Variants in CCDC57 observed in about 807,000 individuals in gnomAD.
The protein encoded by CCDC57 is coiled-coil domain containing 57.
Under a neutral mutation model 118.9 loss-of-function variants are expected in CCDC57, and 118 were observed. The observed-to-expected ratio is 0.99, with a 90% confidence interval of 0.86 to 1.16. The LOEUF (loss-of-function observed/expected upper bound fraction) is 1.16, where lower values mean the gene tolerates loss of function less well. CCDC57 is among the 50% of genes most tolerant of loss of function. The pLI is 0.00. For missense variants in CCDC57, 1,300 were observed against 1,320.7 expected (o/e 0.98, Z 0.24); for synonymous variants, 527 against 532.9 (o/e 0.99, Z 0.15).
At chr17:82,143,746 A>T (rs1598864874) in intron 16 of CCDC57, among the ~76,000 whole-genome samples, 2 of 152,088 alleles carry the variant, frequency 1.3e-5, no homozygotes. Flanking sequence ...ACAAATCCAC[A>T]CTTAGACACA....
chr17:82,172,590 C>T lies in CCDC57; in HGVS notation c.1729+48G>A. Reference sequence around the variant, plus strand: ...ATGCTCCCGTCTGTCCTCCTCCCTCCCTCTCCCCCTTCCTCTCCCGCTCTG... The same window carrying T: ...ATGCTCCCGTCTGTCCTCCTCCCTCTCTCTCCCCCTTCCTCTCCCGCTCTG... On this transcript the variant is annotated intron_variant, in intron 12 of 19. Coordinates refer to ENST00000665763, the Ensembl canonical transcript of CCDC57. The surrounding 1 kb of genome is among the most constrained non-coding windows in gnomAD (Gnocchi z 5.2). 4.0e-6 allele frequency: 6 copies of T among 1,494,714 alleles called. No homozygotes were observed. The highest frequency in any genetic ancestry group is 5.5e-6 in the Non-Finnish European group (6 of 1,097,520). 92.6% of individuals were successfully genotyped at this position (1,494,714 alleles called of 1,614,324 possible).
At chr17:82,124,829 G>T (rs190483531) in intron 19 of CCDC57, among the ~76,000 whole-genome samples, 1 of 151,834 alleles carries the variant, frequency 6.6e-6, no homozygotes, top group Admixed American at 6.6e-5. Flanking sequence ...AATGAGGGGG[G>T]AGCCAAGAAA....
chr17:82,193,119 C>T (rs1361280766), intron 7 of CCDC57, among the ~76,000 whole-genome samples: 3 of 152,106 alleles, frequency 2.0e-5, no homozygotes, highest in Non-Finnish European at 4.4e-5. Context: ...AGTACAGTGG[C>T]ACAATCATGG....
At chr17:82,177,539 C>T (rs1306252653) in intron 11 of CCDC57, among the ~76,000 whole-genome samples, 1 of 152,054 alleles carries the variant, frequency 6.6e-6, no homozygotes, top group Non-Finnish European at 1.5e-5. Flanking sequence ...CAAAGCGAGA[C>T]CGAGACCGTG....
In CCDC57 at chr17:82,171,865, A is replaced by C. The variant is rs537733534; in HGVS notation, c.1730-12T>G. The C allele has an allele frequency of 6.2e-6, 10 of 1,609,142 alleles. No individual in the cohort carries two copies. The South Asian group carries it at 7.7e-5, about 12-fold the overall frequency. ...GGCCAGAACATAATCTGCCAAAAAA[A>C]CCTCCAGTGAATATAACACATACAC... On this transcript the variant is annotated splice_polypyrimidine_tract_variant and intron_variant, in intron 12 of 19. Transcript: ENST00000665763.
intron 7 of CCDC57, 52 bp from the exon 7 acceptor site, chr17:82,188,471 C>A: frequency 6.5e-7 from 1 of 1,548,854 alleles, no homozygotes; most frequent in Non-Finnish European, 8.7e-7. Flanking sequence ...AACACCCAGG[C>A]CCCAGACCCT....
chr17:82,155,019 A>G (rs1233142054), intron 15 of CCDC57: 1 of 152,248 alleles, frequency 6.6e-6, no homozygotes, highest in Non-Finnish European at 1.5e-5. Flanking sequence ...CTCATGCATA[A>G]GCTCAGGTTC....
chr17:82,176,291 C>A (rs1051301556), intron 11 of CCDC57, among the ~76,000 whole-genome samples: 24 of 151,458 alleles, frequency 1.6e-4, no homozygotes, highest in Non-Finnish European at 2.9e-4. Context: ...TTGGAAAGAA[C>A]CCAGGGCTCA....
rs188496903 is a variant in CCDC57, at chr17:82,103,705, C to G, written c.2900-1839G>C. On this transcript the variant is annotated intron_variant, in intron 19 of 19. Coordinates refer to ENST00000665763, the Ensembl canonical transcript of CCDC57. ...TGTGGGGATTTTCAGAAAAAGTGAGCTGAGGGAGGGGGGTGAAGGGCCTGC... is the reference window on the plus strand; with the variant it reads ...TGTGGGGATTTTCAGAAAAAGTGAGGTGAGGGAGGGGGGTGAAGGGCCTGC... 1.0e-2 allele frequency among the ~76,000 whole-genome samples: 1,521 copies of G among 152,246 alleles called. 23 individuals are homozygous for G. Among genetic ancestry groups the G allele is most frequent in the African/African-American group, 0.035 (1,455 of 41,534 alleles).
intron 16 of CCDC57, among the ~76,000 whole-genome samples, chr17:82,140,337 C>T (rs879521587): frequency 2.6e-5 from 4 of 152,182 alleles, no homozygotes; most frequent in South Asian, 2.1e-4. Flanking sequence ...CTGCCTGCCT[C>T]GGCCTCCCAA....
chr17:82,148,355 G>A (rs2041214745), intron 16 of CCDC57, among the ~76,000 whole-genome samples: 1 of 6,308 alleles, frequency 1.6e-4, no homozygotes, highest in Admixed American at 1.6e-3. Flanking sequence ...ATAGGTGGGT[G>A]GATGGATGGG....
At chr17:82,149,857 G>A (rs9907341) in intron 16 of CCDC57, among the ~76,000 whole-genome samples, 64,767 of 115,590 alleles carry the variant, frequency 0.56, 14,789 homozygotes, top group East Asian at 0.87. Flanking sequence ...GCGCACACCC[G>A]GAACCAGGAG....
rs754393255 is a variant in CCDC57 at position 82,158,061 on chromosome 17, G to A, written c.2041-113C>T. The A allele has an allele frequency of 4.8e-4, 704 of 1,452,040 alleles. 1 individual carries two copies. Among genetic ancestry groups the A allele is most frequent in the Non-Finnish European group, 6.1e-4 (679 of 1,105,136 alleles). 89.9% of individuals were successfully genotyped at this position (1,452,040 alleles called of 1,614,324 possible). A position where few individuals can be genotyped will look rare whatever the true frequency, so the allele number is the denominator to read the frequency against. On this transcript the variant is annotated intron_variant, in intron 14 of 19. Coordinates refer to ENST00000665763, the Ensembl canonical transcript of CCDC57. ...TGCCGGGAAAGAACGGGGAGCCCGGGGTCAGGGCCTCCTCCCCAGCTGGAT... is the reference window on the plus strand; with the variant it reads ...TGCCGGGAAAGAACGGGGAGCCCGGAGTCAGGGCCTCCTCCCCAGCTGGAT...
intron 1 of CCDC57, among the ~76,000 whole-genome samples, chr17:82,208,701 T>A (rs1274158811): frequency 6.6e-6 from 1 of 152,058 alleles, no homozygotes; most frequent in Non-Finnish European, 1.5e-5. Context: ...CAGTTAATTT[T>A]TTTTTTAAAT....
Position 82,171,706 on chromosome 17 carries a change from G to A in CCDC57, c.1877C>T (p.Thr626Met), listed in dbSNP as rs116714093. Residue 626 changes from threonine (T) to methionine (M), a missense_variant, in exon 13 of 20, where the codon ACG becomes ATG. Physicochemically the swap from Thr to Met is moderately conservative, Grantham distance 81 (BLOSUM62 -1). Transcript: ENST00000665763. Reference sequence around the variant, plus strand: ...CCACTGAGACGCGGACTTACCAGTCGTCTCTGTCGAGGTGCGGACGCTGGG... The same window carrying A: ...CCACTGAGACGCGGACTTACCAGTCATCTCTGTCGAGGTGCGGACGCTGGG... 2,114 of 1,609,768 alleles carry A rather than the reference G, an allele frequency of 1.3e-3. 19 individuals carry two copies. In the African/African-American group the frequency reaches 0.026, roughly 20 times the overall value.
At chr17:82,180,106 G>C (rs1328990163) in intron 9 of CCDC57, among the ~76,000 whole-genome samples, 1 of 152,208 alleles carries the variant, frequency 6.6e-6, no homozygotes, top group East Asian at 1.9e-4. Context: ...CAGGGAGTTC[G>C]AATGATAGCA....
intron 19 of CCDC57, among the ~76,000 whole-genome samples, chr17:82,125,577 T>A (rs1303693049): frequency 6.6e-6 from 1 of 152,124 alleles, no homozygotes; most frequent in Non-Finnish European, 1.5e-5. Flanking sequence ...GGTTTCACCA[T>A]GTTGGCCAGG....
chr17:82,161,830 G>A (rs916060416), intron 14 of CCDC57, among the ~76,000 whole-genome samples: 1 of 152,082 alleles, frequency 6.6e-6, no homozygotes, highest in African/African-American at 2.4e-5. Context: ...ATGTTTATGC[G>A]ACATTGTGAA....
intron 15 of CCDC57, chr17:82,154,058 C>T (rs542360529): frequency 1.3e-5 from 2 of 152,496 alleles, no homozygotes; most frequent in South Asian, 4.1e-4. Flanking sequence ...CACTGCCCCC[C>T]AGTGGACCCA....
Sources: allele counts gnomAD v4.1 joint callset (sites outside exome capture counted in the v4.1 genomes callset), GRCh38; gene constraint gnomAD v4.1.1; non-coding constraint Gnocchi (gnomAD v3.1); transcripts MANE v1.5; gene names NCBI Gene and HGNC (gene_info 2026-07-23, HGNC 2026-07-21).